TRPM3: variants seen among roughly 807,000 people sequenced by gnomAD.
The protein encoded by TRPM3 is long transient receptor potential channel 3.
A neutral mutation model predicts 181.2 loss-of-function variants in TRPM3; 77 were observed. That is an observed-to-expected ratio of 0.42 (90% CI 0.35 to 0.51). The LOEUF (loss-of-function observed/expected upper bound fraction) is 0.51. Ranked by LOEUF, TRPM3 falls within the 20% of genes least tolerant of loss-of-function variation. The pLI, the probability that TRPM3 is intolerant of heterozygous loss-of-function variation, is 0.01. For synonymous variants in TRPM3, 745 were observed against 796.4 expected, an observed-to-expected ratio of 0.94 and a Z score of 1.09; for missense variants, 1,759 against 2,196.7, an observed-to-expected ratio of 0.80 and a Z score of 3.98.
chr9:70,542,039 T>G (rs2043512247), intron 25 of TRPM3, among the ~76,000 whole-genome samples: 1 of 152,114 alleles, frequency 6.6e-6, no homozygotes, highest in Non-Finnish European at 1.5e-5. Context: ...GAGGATCACT[T>G]GAGCCCAGGA....
chr9:70,572,547 T>A (rs1042151126), intron 22 of TRPM3, among the ~76,000 whole-genome samples: 1 of 152,244 alleles, frequency 6.6e-6, no homozygotes, highest in African/African-American at 2.4e-5. Context: ...CAGTCTCTCA[T>A]TTTTTATGAC....
chr9:71,397,614 T>C (rs886328946), intron 1 of TRPM3, among the ~76,000 whole-genome samples: 1 of 152,186 alleles, frequency 6.6e-6, no homozygotes, highest in Non-Finnish European at 1.5e-5. Context: ...GGAATGACAA[T>C]GAATTTAAAT....
At chr9:71,211,326 TTCTTTCATTTGTTACTGTTCTTTTA>T in intron 1 of TRPM3, among the ~76,000 whole-genome samples, 1 of 151,752 alleles carries the variant, frequency 6.6e-6, no homozygotes, top group East Asian at 1.9e-4. Flanking sequence ...AATTCATTCT[TTCTTTCATTTGTTACTGTTCTTTTA>T]TATGATTGTG....
Position 71,134,002 on chromosome 9 carries a change from TGTGTGTGTGTGTGCGCGTGC to T in TRPM3, c.184-269511_184-269492del, listed in dbSNP as rs1335221458. The stretch of plus-strand genomic sequence containing the variant: ...GTGTGTGTGTGTGTGTGTGTGTGTG[TGTGTGTGTGTGTGCGCGTGC>T]GCGCGCGCGCGTGTCTGTGTTTGCA... On this transcript the variant is annotated intron_variant, in intron 1 of 24. Coordinates refer to the TRPM3 transcript ENST00000357533. Among the ~76,000 whole-genome samples the T allele has an allele frequency of 7.2e-3, 623 of 86,280 alleles. 4 individuals carry two copies. The highest frequency in any genetic ancestry group is 0.031 in the South Asian group (67 of 2,176). 56.6% of individuals were successfully genotyped at this position (86,280 alleles called of 152,430 possible). A position where few individuals can be genotyped will look rare whatever the true frequency, so the allele number is the denominator to read the frequency against.
At chr9:70,608,351 ATG>A (rs780340616) in intron 19 of TRPM3, among the ~76,000 whole-genome samples, 30 of 150,666 alleles carry the variant, frequency 2.0e-4, no homozygotes, top group Non-Finnish European at 3.7e-4. Context: ...AAATTTGAAT[ATG>A]TGTTTCAAGT....
rs755435076 is a variant in TRPM3, at chr9:71,127,315, A to ACACACACACACACACACACACACACACC, written c.184-262805_184-262804insGGTGTGTGTGTGTGTGTGTGTGTGTGTG. 9.9e-5 allele frequency among the ~76,000 whole-genome samples: 15 copies of ACACACACACACACACACACACACACACC among 151,666 alleles called. 1 individual carries two copies. Among genetic ancestry groups the ACACACACACACACACACACACACACACC allele is most frequent in the Middle Eastern group, 3.4e-3 (1 of 294 alleles). Reference sequence around the variant, plus strand: ...AAAACACACACACACACACACACACACCCCTGAACTGATGTGAGTAATTTA... The same window carrying ACACACACACACACACACACACACACACC: ...AAAACACACACACACACACACACACACACACACACACACACACACACACACACCCCCCTGAACTGATGTGAGTAATTTA... On this transcript the variant is annotated intron_variant, in intron 1 of 24. Coordinates refer to the TRPM3 transcript ENST00000357533.
At chr9:70,606,651 G>GTGTATATATATA (rs145779027) in intron 19 of TRPM3, among the ~76,000 whole-genome samples, 12 of 140,740 alleles carry the variant, frequency 8.5e-5, no homozygotes, top group African/African-American at 2.6e-4. Context: ...GTGTGTGTGT[G>GTGTATATATATA]TATATATATA....
intron 1 of TRPM3, among the ~76,000 whole-genome samples, chr9:71,323,417 G>T (rs1236571754): frequency 1.3e-5 from 2 of 152,030 alleles, no homozygotes; most frequent in Admixed American, 1.3e-4. Flanking sequence ...ATTATCCTTT[G>T]AAAGAGGTAG....
chr9:70,853,733 G>A (rs1589253343), intron 3 of TRPM3, among the ~76,000 whole-genome samples: 2 of 152,140 alleles, frequency 1.3e-5, no homozygotes, highest in South Asian at 4.1e-4. Flanking sequence ...CACAAACAAC[G>A]GGTGGCTCTG....
At chr9:71,237,940 T>C (rs2081456437) in intron 1 of TRPM3, among the ~76,000 whole-genome samples, 1 of 152,168 alleles carries the variant, frequency 6.6e-6, no homozygotes, top group Admixed American at 6.5e-5. Context: ...ATAGTCCTCA[T>C]TCCTTCATAA....
At chr9:71,314,154 C>T (rs553928795) in intron 1 of TRPM3, among the ~76,000 whole-genome samples, 2 of 152,068 alleles carry the variant, frequency 1.3e-5, no homozygotes, top group African/African-American at 2.4e-5. Context: ...CACTGTAATG[C>T]CTCCCTATAT....
intron 1 of TRPM3, among the ~76,000 whole-genome samples, chr9:70,902,735 C>T (rs1394824121): frequency 6.6e-6 from 1 of 152,228 alleles, no homozygotes; most frequent in Non-Finnish European, 1.5e-5. Flanking sequence ...GAATAAGTTA[C>T]AGTTCCTGCT....
At chr9:70,938,838 G>A (rs182711152) in intron 1 of TRPM3, among the ~76,000 whole-genome samples, 85 of 152,068 alleles carry the variant, frequency 5.6e-4, no homozygotes, top group African/African-American at 1.9e-3. Flanking sequence ...GGCGCCTGTA[G>A]TCCCAGCTAC....
chr9:70,595,392 T>C (rs1308378360), intron 21 of TRPM3, among the ~76,000 whole-genome samples: 1 of 152,190 alleles, frequency 6.6e-6, no homozygotes, highest in Non-Finnish European at 1.5e-5. Flanking sequence ...GTTTAGAGAC[T>C]TTTTTGTAGT....
intron 1 of TRPM3, among the ~76,000 whole-genome samples, chr9:71,169,059 A>G (rs558537927): frequency 6.6e-6 from 1 of 152,324 alleles, no homozygotes; most frequent in East Asian, 1.9e-4. Context: ...GGGAGATAAT[A>G]GGGAGTGGTG....
chr9:70,923,513 A>T (rs1346730554), intron 1 of TRPM3, among the ~76,000 whole-genome samples: 1 of 152,162 alleles, frequency 6.6e-6, no homozygotes, highest in African/African-American at 2.4e-5. Flanking sequence ...GAAATTACAA[A>T]GAAGAAAAAA....
chr9:70,545,053 C>T (rs72718947), intron 25 of TRPM3, among the ~76,000 whole-genome samples: 2,022 of 152,260 alleles, frequency 0.013, 21 homozygotes, highest in Non-Finnish European at 0.021. Context: ...CTTAATACTC[C>T]ATTTTATGAA....
chr9:71,001,207 C>T (rs189178459), intron 1 of TRPM3, among the ~76,000 whole-genome samples: 4 of 152,280 alleles, frequency 2.6e-5, no homozygotes, highest in Admixed American at 2.6e-4. Context: ...TAGGCTGGGG[C>T]AGGTGATGTG....
At position 71,378,646 on chromosome 9, in the gene TRPM3, C is replaced by T. The variant is rs537521215; in HGVS notation, c.183+68007G>A. ...CACTCAGATGCTTCCTCTTGCTGCC[C>T]CTTTGGAAACCGGAGAGTGTTTCTA... On this transcript the variant is annotated intron_variant, in intron 1 of 24. Transcript: ENST00000357533. 3.9e-5 allele frequency among the ~76,000 whole-genome samples: 6 copies of T among 152,076 alleles called. No individual in the cohort carries two copies. The East Asian group carries it at 1.2e-3, about 29-fold the overall frequency.
Sources: allele counts gnomAD v4.1 joint callset (sites outside exome capture counted in the v4.1 genomes callset), GRCh38; gene constraint gnomAD v4.1.1; transcripts MANE v1.5; gene names NCBI Gene and HGNC (gene_info 2026-07-23, HGNC 2026-07-21).